Variants in PRDM16 observed in about 807,000 individuals in gnomAD.
PRDM16 encodes the protein histone-lysine N-methyltransferase PRDM16.
Under a neutral mutation model 110.6 loss-of-function variants are expected in PRDM16, and 23 were observed. The observed-to-expected ratio is 0.21, with a 90% CI of 0.15 to 0.29. PRDM16 has a LOEUF of 0.29. Among genes scored for constraint, PRDM16 ranks in the 10% least tolerant of loss-of-function variants. The pLI is 1.00. For missense variants in PRDM16, 1,615 were observed against 1,794.3 expected, an observed-to-expected ratio of 0.90 and a Z score of 1.81; for synonymous variants, 799 against 781.8, an observed-to-expected ratio of 1.02 and a Z score of -0.37.
intron 1 of PRDM16, among the ~76,000 whole-genome samples, chr1:3,178,565 A>G (rs1387218915): frequency 6.6e-6 from 1 of 152,164 alleles, no homozygotes; most frequent in Non-Finnish European, 1.5e-5. Flanking sequence ...GAAAAACCTC[A>G]GGGTCAATAA....
intron 3 of PRDM16, among the ~76,000 whole-genome samples, chr1:3,292,467 C>T (rs987529463): frequency 2.0e-4 from 31 of 152,232 alleles, no homozygotes; most frequent in African/African-American, 6.8e-4. Context: ...CGTCGCTCTC[C>T]GCCTGGCTGC....
At chr1:3,194,662 G>GCCACATGCCACCGTCTCCCCA (rs1557520170) in intron 2 of PRDM16, among the ~76,000 whole-genome samples, 5 of 144,700 alleles carry the variant, frequency 3.5e-5, no homozygotes, top group South Asian at 2.2e-4. Context: ...CCGTCTCCCC[G>GCCACATGCCACCGTCTCCCCA]CCACATGCCA....
At chr1:3,193,189 C>T (rs2100811440) in intron 2 of PRDM16, among the ~76,000 whole-genome samples, 1 of 152,322 alleles carries the variant, frequency 6.6e-6, no homozygotes, top group South Asian at 2.1e-4. Context: ...GTGTTGCAGG[C>T]ATTGGGAGAG....
At chr1:3,171,728 G>A (rs1644027669) in intron 1 of PRDM16, among the ~76,000 whole-genome samples, 1 of 152,060 alleles carries the variant, frequency 6.6e-6, no homozygotes, top group South Asian at 2.1e-4. Context: ...CCTCTTTCTG[G>A]AAGGACCCCA....
At chr1:3,361,507 A>AACCC (rs1642713351) in intron 3 of PRDM16, among the ~76,000 whole-genome samples, 1 of 152,246 alleles carries the variant, frequency 6.6e-6, no homozygotes, top group Non-Finnish European at 1.5e-5. Context: ...GTATCTGTGG[A>AACCC]ACGTGGCCCT....
At chr1:3,347,107 G>A (rs1642377120) in intron 3 of PRDM16, among the ~76,000 whole-genome samples, 1 of 152,226 alleles carries the variant, frequency 6.6e-6, no homozygotes, top group African/African-American at 2.4e-5. Context: ...AGTCTTTCCG[G>A]GGAGGGTGGA....
intron 3 of PRDM16, among the ~76,000 whole-genome samples, chr1:3,368,582 C>T (rs755203631): frequency 2.6e-5 from 4 of 152,208 alleles, no homozygotes; most frequent in Non-Finnish European, 5.9e-5. Context: ...TGCACAAGGC[C>T]CTCCTCTTGA....
At position 3,431,994 on chromosome 1, in the gene PRDM16, T is replaced by C. The variant is rs757803059; in HGVS notation, c.3550T>C (p.Leu1184=). The change falls in exon 16 of 17, where the codon TTA becomes CTA. Residue 1184 remains leucine, a synonymous_variant. Coordinates refer to ENST00000270722, the MANE Select transcript of PRDM16 (RefSeq NM_022114.4). ...RCAEDHEGGL[L]ALEPMPTFGK... ...TGCTGAGGACCACGAAGGCGGTCTGTTAGCTTTGGAGCCGATGCCGACTTT... is the reference window on the plus strand; with the variant it reads ...TGCTGAGGACCACGAAGGCGGTCTGCTAGCTTTGGAGCCGATGCCGACTTT... The C allele has an allele frequency of 3.1e-6, 5 of 1,613,880 alleles. No homozygotes were observed. Among genetic ancestry groups the C allele is most frequent in the Non-Finnish European group, 4.2e-6 (5 of 1,179,996 alleles).
At chr1:3,335,443 C>T (rs4648478) in intron 3 of PRDM16, among the ~76,000 whole-genome samples, 50,041 of 152,062 alleles carry the variant, frequency 0.33, 8,666 homozygotes, top group East Asian at 0.56. Context: ...TTAGCCCGGT[C>T]GCGTTAGCAC....
At chr1:3,430,582 C>T (rs531823997) in intron 14 of PRDM16, among the ~76,000 whole-genome samples, 4 of 152,366 alleles carry the variant, frequency 2.6e-5, no homozygotes, top group East Asian at 3.9e-4. Flanking sequence ...ACCCCAACAC[C>T]GCCCCGGCCC....
chr1:3,267,948 T>A lies in PRDM16; in HGVS notation c.438+23811T>A, dbSNP rs557492126. ...ACCCTGAGGAGTCCGCCCTGTTGTT[T>A]TGGCTTTGTTGTGACAGGGGGTGGA... On this transcript the variant is annotated intron_variant, in intron 3 of 16. Transcript: ENST00000270722. Among the ~76,000 whole-genome samples the A allele has an allele frequency of 3.9e-5, 6 of 152,296 alleles. No individual in the cohort carries two copies. In the South Asian group the frequency reaches 1.2e-3, roughly 32 times the overall value.
chr1:3,383,835 ACACC>A lies in PRDM16; in HGVS notation c.439-1316_439-1313del, dbSNP rs1240416518. Among the ~76,000 whole-genome samples the A allele has an allele frequency of 2.2e-5, 3 of 136,196 alleles. No individual in the cohort carries two copies. In the Admixed American group the frequency reaches 2.4e-4, roughly 11 times the overall value. The allele number at this position is 136,196 out of a possible 152,430, so 89.3% of individuals were successfully genotyped here. A position where few individuals can be genotyped will look rare whatever the true frequency, so the allele number is the denominator to read the frequency against. On this transcript the variant is annotated intron_variant, in intron 3 of 16. Coordinates refer to ENST00000270722, the MANE Select transcript of PRDM16 (RefSeq NM_022114.4). ...CGCCCAGACACACCTGCTCAAAGAC[ACACC>A]TGCCTAAGGACACACCTGCCCACCA...
intron 3 of PRDM16, among the ~76,000 whole-genome samples, chr1:3,351,029 C>T (rs1050743458): frequency 7.9e-5 from 12 of 152,192 alleles, no homozygotes; most frequent in African/African-American, 1.4e-4. Context: ...TGCTGGTTGG[C>T]GGCCCTCTGG....
chr1:3,176,683 A>G (rs2100770630), intron 1 of PRDM16, among the ~76,000 whole-genome samples: 2 of 149,922 alleles, frequency 1.3e-5, no homozygotes, highest in South Asian at 2.1e-4. Flanking sequence ...TCACCTATCT[A>G]TGCATTCATC....
chr1:3,432,844 C>G (rs1407214728), intron 16 of PRDM16, among the ~76,000 whole-genome samples: 1 of 152,214 alleles, frequency 6.6e-6, no homozygotes, highest in African/African-American at 2.4e-5. Context: ...TTAACCCACA[C>G]ACGATGCTCC....
chr1:3,412,952 G>T (rs1643718768), intron 9 of PRDM16, 152 bp downstream of exon 9: 2 of 666,256 alleles, frequency 3.0e-6, no homozygotes, highest in African/African-American at 3.8e-5. Context: ...TTCTTGGGGG[G>T]GTCTGCACCC....
rs1423900799 is a variant in PRDM16 at position 3,227,549 on chromosome 1, C to T, written c.388-16538C>T. Among the ~76,000 whole-genome samples, 6 of 152,250 alleles carry T rather than the reference C, an allele frequency of 3.9e-5. No homozygotes were observed. In the South Asian group the frequency reaches 6.2e-4, roughly 16 times the overall value. ...ACAGTCCAGCGTGGGGCCGCAGCTG[C>T]GGCGGGGCTCTGCCGTGCACTCTAG... On this transcript the variant is annotated intron_variant, in intron 2 of 16. Coordinates refer to ENST00000270722, the MANE Select transcript of PRDM16 (RefSeq NM_022114.4).
At chr1:3,118,030 ATG>A (rs201147302) in intron 1 of PRDM16, among the ~76,000 whole-genome samples, 64 of 150,184 alleles carry the variant, frequency 4.3e-4, no homozygotes, top group East Asian at 2.6e-3. Flanking sequence ...GTGTACATGC[ATG>A]TGTGTGTGCA....
intron 3 of PRDM16, among the ~76,000 whole-genome samples, chr1:3,250,587 G>A (rs1016580383): frequency 6.6e-6 from 1 of 151,974 alleles, no homozygotes; most frequent in African/African-American, 2.4e-5. Flanking sequence ...GCTAATTACC[G>A]TCCTATGCAG....
Sources: gnomAD v4.1 joint callset for allele counts (sites outside exome capture counted in the v4.1 genomes callset) on GRCh38, gnomAD v4.1.1 for gene constraint, MANE v1.5 for transcripts, NCBI Gene and HGNC (gene_info 2026-07-23, HGNC 2026-07-21) for gene names.